Variants in MYH10 observed in about 807,000 individuals in gnomAD.
The protein encoded by MYH10 is myosin-10.
MYH10 carries 55 observed loss-of-function variants against 257.8 expected under a neutral mutation model. The observed-to-expected ratio is 0.21, with a 90% CI of 0.17 to 0.27. The LOEUF is 0.27. Among genes scored for constraint, MYH10 ranks in the 10% least tolerant of loss-of-function variants. MYH10 has a pLI of 1.00. For synonymous variants in MYH10, 854 were observed against 921.7 expected, an observed-to-expected ratio of 0.93 and a Z score of 1.33; for missense variants, 1,631 against 2,500.6, an observed-to-expected ratio of 0.65 and a Z score of 7.42.
chr17:8,495,324 G>A (rs1216882413), intron 30 of MYH10, 83 bp from the exon 31 acceptor site: 2 of 860,174 alleles, frequency 2.3e-6, no homozygotes, highest in African/African-American at 1.7e-5. Flanking sequence ...ACAGAACACA[G>A]AGAAGAACTC....
chr17:8,628,387 CAA>C (rs1455277930), intron 1 of MYH10, among the ~76,000 whole-genome samples: 1 of 152,162 alleles, frequency 6.6e-6, no homozygotes, highest in Non-Finnish European at 1.5e-5. Flanking sequence ...TGTCACCCAG[CAA>C]ACTTTTCAAA....
intron 11 of MYH10, among the ~76,000 whole-genome samples, chr17:8,547,050 C>T (rs1012311048): frequency 1.3e-5 from 2 of 152,126 alleles, no homozygotes; most frequent in Non-Finnish European, 2.9e-5. Flanking sequence ...CCTAGGCAAC[C>T]TAGTGGTCCC....
At chr17:8,597,881 G>T (rs1451881719) in intron 3 of MYH10, among the ~76,000 whole-genome samples, 12 of 152,086 alleles carry the variant, frequency 7.9e-5, no homozygotes, top group Non-Finnish European at 1.8e-4. Flanking sequence ...GCCTCCCAAA[G>T]TGCTGAGATT....
intron 24 of MYH10, among the ~76,000 whole-genome samples, chr17:8,511,971 T>C (rs911008238): frequency 3.3e-5 from 5 of 152,266 alleles, no homozygotes; most frequent in Admixed American, 6.5e-5. Flanking sequence ...GAGTACAGCC[T>C]GTATTTCAAA....
intron 37 of MYH10, 62 bp downstream of exon 37, chr17:8,484,074 TGA>T: frequency 6.9e-7 from 1 of 1,439,460 alleles, no homozygotes; most frequent in Non-Finnish European, 9.3e-7. Context: ...AACTTTTTTT[TGA>T]TCTTGGAGAA....
intron 2 of MYH10, 134 bp downstream of exon 2, chr17:8,622,768 C>G (rs1047246013): frequency 1.8e-6 from 2 of 1,107,584 alleles, no homozygotes; most frequent in Non-Finnish European, 2.5e-6. Context: ...ACAAATCTTT[C>G]TATCTTAAAG....
chr17:8,589,316 G>T (rs1371521479), intron 3 of MYH10, among the ~76,000 whole-genome samples: 2 of 152,084 alleles, frequency 1.3e-5, no homozygotes, highest in East Asian at 3.9e-4. Flanking sequence ...AGTCTCTGGG[G>T]GTAAATAACA....
intron 2 of MYH10, among the ~76,000 whole-genome samples, chr17:8,609,723 G>C (rs2084952870): frequency 6.6e-6 from 1 of 152,064 alleles, no homozygotes; most frequent in Non-Finnish European, 1.5e-5. Context: ...GATAAGAGCA[G>C]ACATTTATTA....
intron 17 of MYH10, among the ~76,000 whole-genome samples, chr17:8,522,853 T>C (rs2081702311): frequency 6.6e-6 from 1 of 152,172 alleles, no homozygotes; most frequent in Non-Finnish European, 1.5e-5. Flanking sequence ...AGTGCTTGTT[T>C]TTCTTGACCC....
At chr17:8,485,208 A>G (rs1306895713) in intron 36 of MYH10, among the ~76,000 whole-genome samples, 5 of 152,226 alleles carry the variant, frequency 3.3e-5, no homozygotes, top group Admixed American at 2.6e-4. Context: ...TACACCAACT[A>G]TGAACATTCA....
At chr17:8,607,611 T>C (rs914955059) in intron 2 of MYH10, among the ~76,000 whole-genome samples, 3 of 152,206 alleles carry the variant, frequency 2.0e-5, no homozygotes, top group Non-Finnish European at 2.9e-5. Flanking sequence ...GATCACTGAA[T>C]AGATACTGCA....
chr17:8,503,835 G>A (rs867154506), intron 28 of MYH10, among the ~76,000 whole-genome samples: 2 of 152,216 alleles, frequency 1.3e-5, no homozygotes, highest in Admixed American at 6.5e-5. Flanking sequence ...GCCAGCAGGT[G>A]TGCCTGCAGC....
chr17:8,504,013 C>T lies in MYH10; in HGVS notation c.3599+681G>A, dbSNP rs537469422. On this transcript the variant is annotated intron_variant, in intron 28 of 42. Coordinates refer to ENST00000360416, the MANE Select transcript of MYH10 (RefSeq NM_001256012.3). The surrounding 1 kb of genome is among the most constrained non-coding windows in gnomAD (Gnocchi z 5.6). ...GACACCTATGAGTCCGTGGGAGCCG[C>T]AGGCCAGCACCTCCAGGCCTGCGTA... 1.3e-5 allele frequency among the ~76,000 whole-genome samples: 2 copies of T among 152,310 alleles called. No homozygotes were observed. The highest frequency in any genetic ancestry group is 4.8e-5 in the African/African-American group (2 of 41,572).
At chr17:8,574,386 C>T (rs1486445322) in intron 6 of MYH10, among the ~76,000 whole-genome samples, 1 of 152,138 alleles carries the variant, frequency 6.6e-6, no homozygotes, top group African/African-American at 2.4e-5. Flanking sequence ...GGGGAAATGG[C>T]AGGTGACTGC....
At position 8,548,626 on chromosome 17, in the gene MYH10, T is replaced by C. The variant is rs1329243366; in HGVS notation, c.1063+18A>G. On this transcript the variant is annotated intron_variant, in intron 10 of 42. Transcript: ENST00000360416. ...CTTAGGAAAGTGAGTACCAGAATCT[T>C]AGAGAAATCACACATACACAGAATC... 6.2e-7 allele frequency: 1 copy of C among 1,612,876 alleles called. No individual in the cohort carries two copies. Among genetic ancestry groups the C allele is most frequent in the Non-Finnish European group, 8.5e-7 (1 of 1,179,612 alleles).
chr17:8,612,018 A>C (rs1318475963), intron 2 of MYH10, among the ~76,000 whole-genome samples: 1 of 152,224 alleles, frequency 6.6e-6, no homozygotes, highest in African/African-American at 2.4e-5. Context: ...AAACTCCAGA[A>C]ATAAACAGTT....
intron 4 of MYH10, among the ~76,000 whole-genome samples, chr17:8,586,805 C>G (rs2083930221): frequency 6.6e-6 from 1 of 152,186 alleles, no homozygotes; most frequent in African/African-American, 2.4e-5. Flanking sequence ...TTCCTGCTTT[C>G]AGACGTTCCC....
intron 1 of MYH10, 47 bp from the exon 2 acceptor site, chr17:8,623,324 G>A: frequency 6.8e-7 from 1 of 1,468,170 alleles, no homozygotes; most frequent in Non-Finnish European, 9.0e-7. Flanking sequence ...AGAAACAAAA[G>A]AATGTACACG....
At position 8,542,248 on chromosome 17, in the gene MYH10, G is replaced by A; in HGVS notation, c.1464C>T (p.Tyr488=). The change falls in exon 14 of 43, where the codon TAC becomes TAT. Residue 488 remains tyrosine, a synonymous_variant. Transcript: ENST00000360416. ...LNSFEQLCIN[Y]TNEKLQQLFN... is the part of the protein sequence containing the mutation. ...ACAGCTGCTGCAGCTTCTCATTGGT[G>A]TAGTTGATGCAAAGTTGTTCAAAGG... 1 of 1,614,078 alleles carries A rather than the reference G, an allele frequency of 6.2e-7. No homozygotes were observed. Among genetic ancestry groups the A allele is most frequent in the Non-Finnish European group, 8.5e-7 (1 of 1,179,990 alleles).
Sources: allele counts gnomAD v4.1 joint callset (sites outside exome capture counted in the v4.1 genomes callset), GRCh38; gene constraint gnomAD v4.1.1; non-coding constraint Gnocchi (gnomAD v3.1); transcripts MANE v1.5; gene names NCBI Gene and HGNC (gene_info 2026-07-23, HGNC 2026-07-21).